ADAM10: variants seen among roughly 807,000 people sequenced by gnomAD.
The protein encoded by ADAM10 is ADAM metallopeptidase domain 10.
ADAM10 carries 17 observed loss-of-function variants against 90.1 expected under a neutral mutation model. The observed-to-expected ratio is 0.19, with a 90% CI of 0.13 to 0.28. ADAM10 has a LOEUF of 0.28. Among genes scored for constraint, ADAM10 ranks in the 10% least tolerant of loss-of-function variants. ADAM10 has a pLI of 1.00. For missense variants in ADAM10, 610 were observed against 914.3 expected (o/e 0.67, Z 4.29); for synonymous variants, 310 against 298.6 (o/e 1.04, Z -0.40).
chr15:58,748,953 G>C, intron 1 of ADAM10: 1 of 398,814 alleles, frequency 2.5e-6, no homozygotes, highest in East Asian at 3.6e-5. Context: ...CACGAGCCCA[G>C]CTGCAAACAA....
intron 2 of ADAM10, among the ~76,000 whole-genome samples, chr15:58,683,071 C>G (rs1897483417): frequency 6.6e-6 from 1 of 152,096 alleles, no homozygotes; most frequent in Admixed American, 6.5e-5. Context: ...ATTCTATACA[C>G]CTTGTAAAAT....
chr15:58,739,889 G>C (rs1391244748), intron 1 of ADAM10, among the ~76,000 whole-genome samples: 1 of 152,228 alleles, frequency 6.6e-6, no homozygotes, highest in Non-Finnish European at 1.5e-5. Flanking sequence ...AATATCTGCT[G>C]AATGAAAACG....
intron 7 of ADAM10, among the ~76,000 whole-genome samples, chr15:58,642,787 T>C (rs935257889): frequency 6.6e-6 from 1 of 152,228 alleles, no homozygotes; most frequent in Non-Finnish European, 1.5e-5. Context: ...TCACTGTTAC[T>C]TGCTCATTTA....
At chr15:58,714,262 A>G (rs192124972) in intron 2 of ADAM10, among the ~76,000 whole-genome samples, 159 of 150,672 alleles carry the variant, frequency 1.1e-3, no homozygotes, top group South Asian at 2.7e-3. Flanking sequence ...AAAAACCACA[A>G]AAAATTACTT....
intron 4 of ADAM10, among the ~76,000 whole-genome samples, chr15:58,678,524 T>C (rs1375583340): frequency 1.3e-5 from 2 of 152,150 alleles, no homozygotes; most frequent in African/African-American, 4.8e-5. Context: ...TCCCAATAAC[T>C]GGATAACTGT....
intron 5 of ADAM10, among the ~76,000 whole-genome samples, chr15:58,663,049 A>G (rs1198074102): frequency 1.3e-5 from 2 of 152,242 alleles, no homozygotes; most frequent in East Asian, 3.8e-4. Context: ...ATGTTTGAAA[A>G]TAATTGTTTG....
At chr15:58,646,023 G>A (rs201224845) in intron 6 of ADAM10, 32 bp downstream of exon 6, 14 of 1,610,004 alleles carry the variant, frequency 8.7e-6, no homozygotes, top group Non-Finnish European at 1.1e-5. Context: ...AACAATATGG[G>A]AACTACTAAA....
At chr15:58,622,862 A>G (rs1895827048) in intron 10 of ADAM10, among the ~76,000 whole-genome samples, 2 of 152,226 alleles carry the variant, frequency 1.3e-5, no homozygotes, top group Non-Finnish European at 1.5e-5. Context: ...AAATGCCTTA[A>G]ATGTTCTAGG....
At chr15:58,695,330 G>C (rs1897945195) in intron 2 of ADAM10, among the ~76,000 whole-genome samples, 1 of 152,108 alleles carries the variant, frequency 6.6e-6, no homozygotes, top group Non-Finnish European at 1.5e-5. Context: ...GAACAAACAA[G>C]TATCCTGCCT....
chr15:58,727,207 C>CTTTTTTTTTT (rs1567014727), intron 1 of ADAM10, among the ~76,000 whole-genome samples: 1 of 71,000 alleles, frequency 1.4e-5, no homozygotes, highest in Non-Finnish European at 2.4e-5. Flanking sequence ...TTTTTTTTTC[C>CTTTTTTTTTT]CAAAAACAGC....
At chr15:58,681,148 G>A (rs28724298) in intron 3 of ADAM10, among the ~76,000 whole-genome samples, 43,041 of 151,940 alleles carry the variant, frequency 0.28, 8,733 homozygotes, top group African/African-American at 0.57. Flanking sequence ...TCTCATTTAC[G>A]GCCTCGGACT....
At chr15:58,633,411 C>A in intron 8 of ADAM10, 52 bp from the exon 9 acceptor site, 1 of 1,486,122 alleles carries the variant, frequency 6.7e-7, no homozygotes, top group South Asian at 1.1e-5. Context: ...CCCTTACCCC[C>A]AAAAAGGTAA....
intron 10 of ADAM10, among the ~76,000 whole-genome samples, chr15:58,623,896 G>C (rs1895858424): frequency 1.3e-5 from 2 of 151,676 alleles, no homozygotes; most frequent in South Asian, 4.2e-4. Context: ...TGGGTTGATA[G>C]GTGCAGTAAA....
chr15:58,664,502 T>A (rs1825214259), intron 5 of ADAM10, among the ~76,000 whole-genome samples: 1 of 152,134 alleles, frequency 6.6e-6, no homozygotes, highest in Non-Finnish European at 1.5e-5. Flanking sequence ...TGAATACAAA[T>A]ATTCATGGCT....
intron 9 of ADAM10, among the ~76,000 whole-genome samples, chr15:58,631,444 GA>G (rs767861460): frequency 4.6e-5 from 7 of 152,160 alleles, no homozygotes; most frequent in Non-Finnish European, 7.4e-5. Flanking sequence ...GTAGGAAAGA[GA>G]TTACACAAGA....
At chr15:58,708,267 C>G (rs550828293) in intron 2 of ADAM10, among the ~76,000 whole-genome samples, 2 of 152,244 alleles carry the variant, frequency 1.3e-5, no homozygotes, top group Admixed American at 1.3e-4. Context: ...AAATCTGAAA[C>G]AGTCTTTCCG....
At chr15:58,611,199 T>A in intron 12 of ADAM10, 92 bp from the exon 13 acceptor site, 1 of 874,308 alleles carries the variant, frequency 1.1e-6, no homozygotes, top group South Asian at 1.4e-5. Flanking sequence ...GCTTCCAATG[T>A]CAAAATATTT....
intron 1 of ADAM10, among the ~76,000 whole-genome samples, chr15:58,735,835 C>T (rs1899413514): frequency 1.3e-5 from 2 of 152,086 alleles, no homozygotes; most frequent in African/African-American, 4.8e-5. Flanking sequence ...TATCTGTTCT[C>T]TAAAATGATT....
At position 58,592,740 on chromosome 15, in the gene ADAM10, G is replaced by A. The variant is rs1436032942; in HGVS notation, c.*4807C>T. The A allele has an allele frequency of 2.1e-5, 3 of 143,348 alleles. No individual in the cohort carries two copies. Among genetic ancestry groups the A allele is most frequent in the Non-Finnish European group, 3.0e-5 (2 of 66,640 alleles). 8.9% of individuals were successfully genotyped at this position (143,348 alleles called of 1,614,324 possible). A position where few individuals can be genotyped will look rare whatever the true frequency, so the allele number is the denominator to read the frequency against. The stretch of plus-strand genomic sequence containing the variant: ...GCATATATGTGGATTTCTAAGGATG[G>A]GACTCTGATTTAATATATATATATA... On this transcript the variant is annotated 3_prime_UTR_variant, in exon 16 of 16. Transcript: ENST00000260408.
Sources: allele counts gnomAD v4.1 joint callset (sites outside exome capture counted in the v4.1 genomes callset), GRCh38; gene constraint gnomAD v4.1.1; transcripts MANE v1.5; gene names NCBI Gene and HGNC (gene_info 2026-07-23, HGNC 2026-07-21).